The following UBE2H variants were observed in gnomAD, a reference collection of about 807,000 sequenced individuals.
The protein encoded by UBE2H is ubiquitin conjugating enzyme E2 H, also known as ubiquitin-conjugating enzyme E2 H.
UBE2H carries 3 observed loss-of-function variants against 29.0 expected under a neutral mutation model. The ratio of observed to expected loss-of-function variants is 0.10; its 90% confidence interval spans 0.05 to 0.27. The LOEUF (loss-of-function observed/expected upper bound fraction) is 0.27. Ranked by LOEUF, UBE2H falls within the 10% of genes least tolerant of loss-of-function variation. The pLI is 1.00. For missense variants in UBE2H, 68 were observed against 228.2 expected (o/e 0.30, Z 4.52); for synonymous variants, 69 against 82.9 (o/e 0.83, Z 0.91).
chr7:129,891,013 G>A (rs574072202), intron 1 of UBE2H, among the ~76,000 whole-genome samples: 3 of 151,764 alleles, frequency 2.0e-5, no homozygotes, highest in African/African-American at 7.2e-5. Context: ...GCGGGCGCTT[G>A]TAATCCCAGC....
At chr7:129,944,543 C>G (rs1807715576) in intron 1 of UBE2H, among the ~76,000 whole-genome samples, 1 of 152,030 alleles carries the variant, frequency 6.6e-6, no homozygotes. Flanking sequence ...ATCACTTAAG[C>G]CCAGGAATTT....
intron 1 of UBE2H, among the ~76,000 whole-genome samples, chr7:129,932,012 T>C (rs548677422): frequency 1.3e-5 from 2 of 151,456 alleles, no homozygotes; most frequent in South Asian, 2.1e-4. Flanking sequence ...TTAGTAGAGA[T>C]GGGGTTTCAC....
chr7:129,913,589 T>A (rs890748084), intron 1 of UBE2H, among the ~76,000 whole-genome samples: 1 of 152,130 alleles, frequency 6.6e-6, no homozygotes, highest in South Asian at 2.1e-4. Flanking sequence ...AGCCCCTCAA[T>A]AACTCATGAG....
chr7:129,910,594 A>C (rs1028508210), intron 1 of UBE2H, among the ~76,000 whole-genome samples: 5 of 152,152 alleles, frequency 3.3e-5, no homozygotes, highest in Non-Finnish European at 5.9e-5. Context: ...AAGTAGCATA[A>C]TCAGATGTAC....
intron 1 of UBE2H, among the ~76,000 whole-genome samples, chr7:129,923,590 T>C (rs1467372048): frequency 2.6e-5 from 4 of 152,184 alleles, no homozygotes; most frequent in African/African-American, 9.7e-5. Context: ...CTATAACACC[T>C]TGGCCAGATG....
chr7:129,838,722 C>T (rs1805373817), intron 6 of UBE2H, among the ~76,000 whole-genome samples: 1 of 152,114 alleles, frequency 6.6e-6, no homozygotes, highest in African/African-American at 2.4e-5. Flanking sequence ...TCACTGCAAC[C>T]TCTGCTTCCT....
At chr7:129,858,762 T>G in intron 4 of UBE2H, 140 bp downstream of exon 4, 1 of 723,630 alleles carries the variant, frequency 1.4e-6, no homozygotes, top group Non-Finnish European at 2.3e-6. Context: ...TCCTTTGGAT[T>G]CTATCATTTA....
chr7:129,876,513 A>G (rs1806147163), intron 3 of UBE2H, among the ~76,000 whole-genome samples: 1 of 152,250 alleles, frequency 6.6e-6, no homozygotes, highest in African/African-American at 2.4e-5. Context: ...GCGATGTTAT[A>G]GTTGATTAAA....
At chr7:129,888,329 G>A (rs79262893) in intron 1 of UBE2H, among the ~76,000 whole-genome samples, 170 of 152,338 alleles carry the variant, frequency 1.1e-3, no homozygotes, top group African/African-American at 3.7e-3. Context: ...ATGGGAAGTG[G>A]GCTGCTATCA....
intron 5 of UBE2H, among the ~76,000 whole-genome samples, chr7:129,853,266 G>A (rs1373719152): frequency 6.6e-6 from 1 of 152,144 alleles, no homozygotes; most frequent in Non-Finnish European, 1.5e-5. Context: ...AAATAGAAGA[G>A]TGCTTAAAAA....
intron 1 of UBE2H, among the ~76,000 whole-genome samples, chr7:129,901,908 T>C (rs1183475517): frequency 2.6e-5 from 4 of 152,066 alleles, no homozygotes; most frequent in African/African-American, 9.7e-5. Flanking sequence ...GACACTGTTC[T>C]AACAAAAATA....
At chr7:129,858,069 A>C (rs953953709) in intron 4 of UBE2H, among the ~76,000 whole-genome samples, 2 of 152,222 alleles carry the variant, frequency 1.3e-5, no homozygotes, top group Non-Finnish European at 2.9e-5. Flanking sequence ...CATGACAACT[A>C]AATGTAATGT....
chr7:129,933,813 A>G (rs995745056), intron 1 of UBE2H, among the ~76,000 whole-genome samples: 6 of 152,190 alleles, frequency 3.9e-5, no homozygotes, highest in African/African-American at 1.4e-4. Flanking sequence ...GTGTTTGCTG[A>G]GCATCTACTA....
chr7:129,839,449 C>A, intron 5 of UBE2H, 114 bp from the exon 6 acceptor site: 1 of 1,419,758 alleles, frequency 7.0e-7, no homozygotes, highest in South Asian at 1.2e-5. Flanking sequence ...GGATGATTCT[C>A]CATACGAGTG....
intron 1 of UBE2H, among the ~76,000 whole-genome samples, chr7:129,930,909 C>CAAA (rs71175050): frequency 0.11 from 3,782 of 33,804 alleles, 331 homozygotes; most frequent in Non-Finnish European, 0.14. Flanking sequence ...CCCCGTCTCA[C>CAAA]AAAAAAAAAA....
chr7:129,915,259 G>A (rs901524303), intron 1 of UBE2H, among the ~76,000 whole-genome samples: 2 of 152,096 alleles, frequency 1.3e-5, no homozygotes, highest in African/African-American at 2.4e-5. Flanking sequence ...AAATACAGCC[G>A]GGCGCGGTGT....
At chr7:129,907,489 A>C (rs2116438585) in intron 1 of UBE2H, among the ~76,000 whole-genome samples, 1 of 152,298 alleles carries the variant, frequency 6.6e-6, no homozygotes, top group Admixed American at 6.5e-5. Flanking sequence ...TATTGCAATA[A>C]GAGGTTCATG....
At chr7:129,845,527 T>G (rs1471926668) in intron 5 of UBE2H, among the ~76,000 whole-genome samples, 3 of 152,212 alleles carry the variant, frequency 2.0e-5, no homozygotes, top group African/African-American at 7.2e-5. Context: ...TTACCACTGT[T>G]ATCTCTAGGC....
chr7:129,935,055 G>A (rs576844302), intron 1 of UBE2H, among the ~76,000 whole-genome samples: 1 of 150,452 alleles, frequency 6.6e-6, no homozygotes, highest in African/African-American at 2.4e-5. Flanking sequence ...AGAGGTGAAA[G>A]GTAAAAATAA....
Sources: allele counts gnomAD v4.1 joint callset (sites outside exome capture counted in the v4.1 genomes callset), GRCh38; gene constraint gnomAD v4.1.1; transcripts MANE v1.5; gene names NCBI Gene and HGNC (gene_info 2026-07-23, HGNC 2026-07-21).